The following B3GALT1 variants were observed in gnomAD, a reference collection of about 807,000 sequenced individuals.
B3GALT1 encodes beta-1,3-galactosyltransferase 1, also known as UDP-Gal:betaGlcNAc beta 1,3-galactosyltransferase, polypeptide 1.
B3GALT1 carries 10 observed loss-of-function variants against 23.2 expected under a neutral mutation model. The ratio of observed to expected loss-of-function variants is 0.43; its 90% CI spans 0.27 to 0.73. B3GALT1 has a LOEUF of 0.73. Among genes scored for constraint, B3GALT1 ranks in the 30% least tolerant of loss-of-function variants. The probability of loss-of-function intolerance (pLI) is 0.21; values close to 1 mark genes in which losing one functional copy is unlikely to be tolerated. For synonymous variants in B3GALT1, 156 were observed against 141.5 expected (o/e 1.10, Z -0.73); for missense variants, 299 against 405.4 (o/e 0.74, Z 2.25).
intron 1 of B3GALT1, among the ~76,000 whole-genome samples, chr2:167,443,151 T>C (rs1292220934): frequency 6.6e-6 from 1 of 151,878 alleles, no homozygotes; most frequent in Non-Finnish European, 1.5e-5. Context: ...CCATTGCTTG[T>C]TTTTCTCAGG....
chr2:167,624,656 A>T (rs1685311288), intron 2 of B3GALT1, among the ~76,000 whole-genome samples: 1 of 152,020 alleles, frequency 6.6e-6, no homozygotes, highest in South Asian at 2.1e-4. Flanking sequence ...ATATTATATG[A>T]CTACCAATCA....
chr2:167,529,924 G>C lies in B3GALT1; in HGVS notation c.-410+39647G>C, dbSNP rs367977267. On this transcript the variant is annotated intron_variant, in intron 2 of 4. Transcript: ENST00000392690. ...CAGTTTTTTTAAAAATCATAACTCA[G>C]ATTATGTCACTCCCCTTCTCTCAGT... Among the ~76,000 whole-genome samples, 8 of 151,886 alleles carry C rather than the reference G, an allele frequency of 5.3e-5. No individual in the cohort carries two copies. The East Asian group carries it at 1.4e-3, about 26-fold the overall frequency.
intron 1 of B3GALT1, among the ~76,000 whole-genome samples, chr2:167,356,965 A>C (rs1414972096): frequency 6.6e-6 from 1 of 152,058 alleles, no homozygotes; most frequent in Non-Finnish European, 1.5e-5. Context: ...TTAATAGACA[A>C]ATCATTAACC....
At chr2:167,462,353 A>T (rs1699270841) in intron 1 of B3GALT1, among the ~76,000 whole-genome samples, 1 of 152,202 alleles carries the variant, frequency 6.6e-6, no homozygotes, top group Admixed American at 6.5e-5. Context: ...ATAAAATTTG[A>T]AAGTCCTTGA....
intron 1 of B3GALT1, among the ~76,000 whole-genome samples, chr2:167,406,286 G>A (rs1333823336): frequency 1.3e-5 from 2 of 152,086 alleles, no homozygotes; most frequent in Admixed American, 6.5e-5. Flanking sequence ...TAGACTTCTG[G>A]TTCCAAAATG....
intron 1 of B3GALT1, among the ~76,000 whole-genome samples, chr2:167,433,529 T>C (rs1698735850): frequency 6.6e-6 from 1 of 152,172 alleles, no homozygotes; most frequent in Admixed American, 6.5e-5. Flanking sequence ...GGAGGGATTA[T>C]TAAAATGGAG....
intron 4 of B3GALT1, among the ~76,000 whole-genome samples, chr2:167,866,216 A>G (rs1293084199): frequency 6.6e-6 from 1 of 152,160 alleles, no homozygotes; most frequent in Non-Finnish European, 1.5e-5. Flanking sequence ...GAGGAGTGAG[A>G]TTCACGTTAC....
intron 2 of B3GALT1, among the ~76,000 whole-genome samples, chr2:167,532,554 TTACACA>T (rs1208800721): frequency 1.3e-5 from 2 of 151,844 alleles, no homozygotes; most frequent in Non-Finnish European, 2.9e-5. Flanking sequence ...ACACACACAC[TTACACA>T]TACACACACA....
chr2:167,421,835 A>G (rs1698550389), intron 1 of B3GALT1, among the ~76,000 whole-genome samples: 1 of 152,252 alleles, frequency 6.6e-6, no homozygotes, highest in African/African-American at 2.4e-5. Context: ...AGGAAAATAT[A>G]TCTAAATGAA....
At chr2:167,588,818 T>TTTCCTTCC (rs146662566) in intron 2 of B3GALT1, among the ~76,000 whole-genome samples, 9 of 146,396 alleles carry the variant, frequency 6.1e-5, no homozygotes, top group African/African-American at 2.0e-4. Context: ...AACCATTCTT[T>TTTCCTTCC]TTCCTTCCTT....
chr2:167,667,257 T>C (rs1686216173), intron 3 of B3GALT1, among the ~76,000 whole-genome samples: 1 of 152,184 alleles, frequency 6.6e-6, no homozygotes, highest in African/African-American at 2.4e-5. Context: ...ATTCTTTTCT[T>C]TAAGAATGTT....
intron 1 of B3GALT1, among the ~76,000 whole-genome samples, chr2:167,474,091 G>A (rs946186034): frequency 9.2e-5 from 14 of 152,154 alleles, no homozygotes; most frequent in Admixed American, 8.5e-4. Context: ...CTGTACAGAG[G>A]GAAGGGAAAT....
At chr2:167,759,002 T>C (rs1687860946) in intron 3 of B3GALT1, among the ~76,000 whole-genome samples, 1 of 152,220 alleles carries the variant, frequency 6.6e-6, no homozygotes, top group Admixed American at 6.5e-5. Flanking sequence ...AAATGTTTTC[T>C]GGATGGCCAA....
intron 1 of B3GALT1, among the ~76,000 whole-genome samples, chr2:167,443,306 T>C (rs943289856): frequency 5.9e-5 from 9 of 152,148 alleles, no homozygotes; most frequent in South Asian, 2.1e-4. Flanking sequence ...AGTCAGGTAG[T>C]GTGATGCCTC....
intron 4 of B3GALT1, among the ~76,000 whole-genome samples, chr2:167,843,491 A>G (rs1312635103): frequency 6.6e-6 from 1 of 152,210 alleles, no homozygotes; most frequent in East Asian, 1.9e-4. Flanking sequence ...ACAGACTGCC[A>G]GGATTGCTGA....
At chr2:167,462,875 A>G (rs1272889342) in intron 1 of B3GALT1, among the ~76,000 whole-genome samples, 4 of 152,194 alleles carry the variant, frequency 2.6e-5, no homozygotes, top group Non-Finnish European at 5.9e-5. Flanking sequence ...AAAGGATACC[A>G]AAGGAAGCAC....
chr2:167,384,118 C>T (rs998386410), intron 1 of B3GALT1, among the ~76,000 whole-genome samples: 12 of 152,100 alleles, frequency 7.9e-5, no homozygotes, highest in South Asian at 2.1e-4. Context: ...AAAATAGTAG[C>T]GAAAAACCGT....
intron 1 of B3GALT1, among the ~76,000 whole-genome samples, chr2:167,456,427 C>T (rs1038970739): frequency 2.0e-5 from 3 of 152,172 alleles, no homozygotes; most frequent in African/African-American, 7.2e-5. Flanking sequence ...AGAAGACATA[C>T]ATCCAAACCA....
intron 2 of B3GALT1, among the ~76,000 whole-genome samples, chr2:167,592,212 C>T (rs538275677): frequency 1.3e-5 from 2 of 152,024 alleles, no homozygotes; most frequent in South Asian, 4.1e-4. Flanking sequence ...ATAGCAATAT[C>T]AATTTGGGAG....
Sources: allele counts gnomAD v4.1 joint callset (sites outside exome capture counted in the v4.1 genomes callset), GRCh38; gene constraint gnomAD v4.1.1; transcripts MANE v1.5; gene names NCBI Gene and HGNC (gene_info 2026-07-23, HGNC 2026-07-21).